Variants in ANK2 observed in about 807,000 individuals in gnomAD.
ANK2 encodes the protein ankyrin 2.
A neutral mutation model predicts 360.5 loss-of-function variants in ANK2; 83 were observed. The ratio of observed to expected loss-of-function variants is 0.23; its 90% CI spans 0.19 to 0.28. ANK2 has a LOEUF of 0.28. Among genes scored for constraint, ANK2 ranks in the 10% least tolerant of loss-of-function variants. ANK2 has a pLI of 1.00. For missense variants in ANK2, 4,201 were observed against 4,795.7 expected, an observed-to-expected ratio of 0.88 and a Z score of 3.66; for synonymous variants, 1,740 against 1,759.5, an observed-to-expected ratio of 0.99 and a Z score of 0.28.
chr4:112,834,952 T>C (rs1443415205), intron 1 of ANK2, among the ~76,000 whole-genome samples: 3 of 152,224 alleles, frequency 2.0e-5, no homozygotes. Flanking sequence ...CTATCCCTTA[T>C]ATTTGAGTCT....
chr4:113,361,826 T>A (rs114250308), intron 39 of ANK2, among the ~76,000 whole-genome samples: 1 of 152,112 alleles, frequency 6.6e-6, no homozygotes, highest in Admixed American at 6.6e-5. Flanking sequence ...TTCAGAATTA[T>A]TTATTTTGGT....
chr4:112,845,174 T>C (rs905859440), intron 1 of ANK2, among the ~76,000 whole-genome samples: 3 of 152,166 alleles, frequency 2.0e-5, no homozygotes, highest in Non-Finnish European at 4.4e-5. Context: ...ACTTAAAATA[T>C]GAGTATAAAA....
At chr4:113,039,043 G>A (rs1323677151) in intron 2 of ANK2, among the ~76,000 whole-genome samples, 1 of 152,000 alleles carries the variant, frequency 6.6e-6, no homozygotes, top group Non-Finnish European at 1.5e-5. Flanking sequence ...TGAGGTAATA[G>A]GTAATTAGAA....
At chr4:113,306,872 AGC>A (rs2077470298) in intron 23 of ANK2, among the ~76,000 whole-genome samples, 1 of 152,218 alleles carries the variant, frequency 6.6e-6, no homozygotes, top group South Asian at 2.1e-4. Context: ...GGAATATGGC[AGC>A]GAAATGCAAG....
rs2153922319 is a variant in ANK2 at position 113,330,253 on chromosome 4, G to A, written c.2908G>A (p.Val970Ile). ...SSSPIHSGFL[V>I]SFMVDARGGA... ...TTCTATTTTAATTTTTAGTTTCCTG[G>A]TTAGTTTTATGGTGGATGCCCGAGG... Residue 970 changes from valine to isoleucine, a missense_variant, in exon 27 of 46, where the codon GTT becomes ATT. Val to Ile is a conservative substitution (Grantham distance 29, BLOSUM62 3). Coordinates refer to ENST00000357077, the MANE Select transcript of ANK2 (RefSeq NM_001148.6). The A allele has an allele frequency of 1.2e-6, 2 of 1,613,958 alleles. No homozygotes were observed. Among genetic ancestry groups the A allele is most frequent in the East Asian group, 2.2e-5 (1 of 44,888 alleles).
chr4:113,300,942 G>A (rs1053112747), intron 22 of ANK2, among the ~76,000 whole-genome samples: 2 of 152,140 alleles, frequency 1.3e-5, no homozygotes, highest in African/African-American at 4.8e-5. Flanking sequence ...TATAGTCAGA[G>A]TTGCTCAGTG....
chr4:113,156,615 G>T (rs2097308350), intron 1 of ANK2, among the ~76,000 whole-genome samples: 1 of 151,592 alleles, frequency 6.6e-6, no homozygotes, highest in Non-Finnish European at 1.5e-5. Context: ...TGTCTTCCTT[G>T]ACCTCCCAAA....
At chr4:113,058,528 T>C (rs971548394) in intron 1 of ANK2, among the ~76,000 whole-genome samples, 4 of 152,160 alleles carry the variant, frequency 2.6e-5, no homozygotes, top group Non-Finnish European at 5.9e-5. Flanking sequence ...ATGAGAAATT[T>C]AGTATTTTCT....
At chr4:113,143,483 G>A (rs1166766182) in intron 1 of ANK2, among the ~76,000 whole-genome samples, 3 of 152,146 alleles carry the variant, frequency 2.0e-5, no homozygotes, top group Non-Finnish European at 4.4e-5. Flanking sequence ...AAGTGAGGAG[G>A]CTAGAGATAA....
chr4:113,362,157 A>G (rs1407295357), intron 39 of ANK2, among the ~76,000 whole-genome samples: 1 of 152,170 alleles, frequency 6.6e-6, no homozygotes, highest in African/African-American at 2.4e-5. Flanking sequence ...ATTCCACTAT[A>G]TGGAGGTTCC....
At chr4:112,897,725 ACCAAGG>A (rs945736240) in intron 1 of ANK2, among the ~76,000 whole-genome samples, 1 of 152,136 alleles carries the variant, frequency 6.6e-6, no homozygotes, top group Non-Finnish European at 1.5e-5. Context: ...GACCTGTAAT[ACCAAGG>A]CATTGCAATT....
intron 10 of ANK2, among the ~76,000 whole-genome samples, chr4:113,250,755 G>GCCGC (rs1554339960): frequency 1.7e-5 from 1 of 60,370 alleles, no homozygotes. Flanking sequence ...TCATACCACC[G>GCCGC]CCCCCCCCCC....
chr4:113,303,112 G>A (rs1173353223), intron 23 of ANK2, among the ~76,000 whole-genome samples: 1 of 152,090 alleles, frequency 6.6e-6, no homozygotes, highest in Non-Finnish European at 1.5e-5. Context: ...GGGAAAAACT[G>A]GAAACTGGCC....
At chr4:112,773,906 T>C in the ANK2 span, among the ~76,000 whole-genome samples, 1 of 152,108 alleles carries the variant, frequency 6.6e-6, no homozygotes, top group Non-Finnish European at 1.5e-5. Flanking sequence ...GTTCAAGTGA[T>C]TCTCCTGCCT....
At chr4:113,347,463 T>C (rs917153824) in intron 35 of ANK2, among the ~76,000 whole-genome samples, 1 of 152,068 alleles carries the variant, frequency 6.6e-6, no homozygotes, top group African/African-American at 2.4e-5. Context: ...GCCACCTGAG[T>C]GTTAAAGAAA....
At chr4:113,076,572 G>C (rs1289585850) in intron 1 of ANK2, among the ~76,000 whole-genome samples, 1 of 152,110 alleles carries the variant, frequency 6.6e-6, no homozygotes, top group Non-Finnish European at 1.5e-5. Context: ...GAGGTGAGAG[G>C]ATTACTTGAG....
chr4:113,212,088 C>T (rs1350086302), intron 4 of ANK2, among the ~76,000 whole-genome samples: 1 of 152,132 alleles, frequency 6.6e-6, no homozygotes, highest in Non-Finnish European at 1.5e-5. Flanking sequence ...AGATGTCAGG[C>T]ATTGCTTTCT....
At chr4:113,375,639 GGT>G (rs2096899892) in intron 45 of ANK2, among the ~76,000 whole-genome samples, 1 of 151,762 alleles carries the variant, frequency 6.6e-6, no homozygotes, top group Non-Finnish European at 1.5e-5. Context: ...GCAGGAGAAT[GGT>G]GTGAACCTGG....
chr4:112,802,006 T>C, the ANK2 span, among the ~76,000 whole-genome samples: 1 of 152,010 alleles, frequency 6.6e-6, no homozygotes, highest in Admixed American at 6.6e-5. Flanking sequence ...AATTTATAAA[T>C]TTGTGTGATA....
Sources: allele counts gnomAD v4.1 joint callset (sites outside exome capture counted in the v4.1 genomes callset), GRCh38; gene constraint gnomAD v4.1.1; transcripts MANE v1.5; gene names NCBI Gene and HGNC (gene_info 2026-07-23, HGNC 2026-07-21).